IL27RA: variants seen among roughly 807,000 people sequenced by gnomAD.
The protein encoded by IL27RA is interleukin 27 receptor subunit alpha, also known as interleukin-27 receptor subunit alpha.
In IL27RA, 61 loss-of-function variants were observed where a neutral mutation model predicts 80.8. The observed-to-expected ratio is 0.76, with a 90% CI of 0.61 to 0.93. The LOEUF (loss-of-function observed/expected upper bound fraction) is 0.93. Among genes scored for constraint, IL27RA ranks in the 40% least tolerant of loss-of-function variants. The pLI is 0.00. For missense variants in IL27RA, 735 were observed against 808.1 expected (o/e 0.91, Z 1.10); for synonymous variants, 316 against 332.5 (o/e 0.95, Z 0.54).
chr19:14,049,058 G>A lies in IL27RA; in HGVS notation c.1219G>A (p.Val407Ile), dbSNP rs575214739. The change falls in exon 9 of 14, where the codon GTC (valine) becomes ATC (isoleucine). Residue 407 changes from valine (V) to isoleucine (I), a missense_variant. Transcript: ENST00000263379. ...TTCAGGCTTGGCCTCTGCATCCTCC[G>A]TCTGGGGGTTCAGGGAGGAATTAGG... Reference protein sequence around the residue: ...SASGLASASSVWGFREELAPL... With the variant: ...SASGLASASSIWGFREELAPL... 25 of 1,613,700 alleles carry A rather than the reference G, an allele frequency of 1.5e-5. No individual in the cohort carries two copies. Among genetic ancestry groups the A allele is most frequent in the East Asian group, 4.5e-5 (2 of 44,884 alleles).
Position 14,046,441 on chromosome 19 carries a change from G to T in IL27RA, c.964G>T (p.Ala322Ser). 6.2e-7 allele frequency: 1 copy of T among 1,614,098 alleles called. No homozygotes were observed. Among genetic ancestry groups the T allele is most frequent in the Non-Finnish European group, 8.5e-7 (1 of 1,180,018 alleles). Residue 322 changes from alanine to serine, a missense_variant, in exon 8 of 14, where the codon GCC becomes TCC. Physicochemically the swap from Ala to Ser is moderately conservative, Grantham distance 99. Coordinates refer to ENST00000263379, the MANE Select transcript of IL27RA (RefSeq NM_004843.4). ...TCTCCACCCTCCAGATTCAGCCTCTGCCCCCCGTAGCGTGGCAGTCAGCAG... is the reference window on the plus strand; with the variant it reads ...TCTCCACCCTCCAGATTCAGCCTCTTCCCCCCGTAGCGTGGCAGTCAGCAG... Reference protein sequence around the residue: ...LSLVCLDSASAPRSVAVSSIA... With the variant: ...LSLVCLDSASSPRSVAVSSIA...
At chr19:14,033,398 C>T (rs987669012) in intron 2 of IL27RA, among the ~76,000 whole-genome samples, 1 of 149,830 alleles carries the variant, frequency 6.7e-6, no homozygotes, top group Non-Finnish European at 1.5e-5. Flanking sequence ...CGTGCCTGGC[C>T]GAGAGCCCGT....
Position 14,031,969 on chromosome 19 carries a change from C to T in IL27RA, c.97C>T (p.Gln33Ter). Residue 33 changes from glutamine to a stop codon, truncating the protein, a stop_gained, in exon 1 of 14, where the codon CAG (glutamine) becomes TAG (stop). Transcript: ENST00000263379. LOFTEE classifies it high-confidence loss of function. ...GGTGCTTTTCCAGCGGACGCGTCCC[C>T]AGGGTGAGTGCTGGAGGGAGCTCGT... is the stretch of plus-strand genomic sequence containing the variant. ...LWVLFQRTRP[Q>*]GSAGPLQCYG... 6.2e-7 allele frequency: 1 copy of T among 1,608,904 alleles called. No homozygotes were observed. Among genetic ancestry groups the T allele is most frequent in the South Asian group, 1.1e-5 (1 of 90,346 alleles).
intron 10 of IL27RA, among the ~76,000 whole-genome samples, 169 bp from the exon 11 acceptor site, chr19:14,050,589 C>G (rs1976146436): frequency 6.6e-6 from 1 of 151,024 alleles, no homozygotes; most frequent in Non-Finnish European, 1.5e-5. Context: ...AGAGCGGGGT[C>G]AAGGAAAGCC....
chr19:14,042,478 C>T lies in IL27RA; in HGVS notation c.560C>T (p.Pro187Leu), dbSNP rs748741972. The T allele has an allele frequency of 1.6e-4, 263 of 1,614,042 alleles. 3 individuals carry two copies. In the South Asian group the frequency reaches 2.8e-3, roughly 17 times the overall value. Residue 187 changes from proline to leucine, a missense_variant, in exon 5 of 14, where the codon CCC becomes CTC. By Grantham distance (98) the Pro-to-Leu change is moderately conservative. Coordinates refer to ENST00000263379, the MANE Select transcript of IL27RA (RefSeq NM_004843.4). The stretch of plus-strand genomic sequence containing the variant: ...CTGGAACCGGAGCTGAAGACCATAC[C>T]CCTGACCCCTGTTGAGATCCAAGAT... ...TLLEPELKTIPLTPVEIQDLE... is the reference protein window; with the variant it reads ...TLLEPELKTILLTPVEIQDLE...
intron 4 of IL27RA, among the ~76,000 whole-genome samples, chr19:14,041,206 T>C (rs1975985207): frequency 7.1e-6 from 1 of 141,482 alleles, no homozygotes; most frequent in South Asian, 2.2e-4. Flanking sequence ...CCCGGCCCCC[T>C]TTTTTTTTTG....
intron 8 of IL27RA, among the ~76,000 whole-genome samples, chr19:14,047,737 T>A (rs1225624920): frequency 6.9e-6 from 1 of 145,036 alleles, no homozygotes; most frequent in African/African-American, 2.6e-5. Flanking sequence ...CACTGCAAGC[T>A]CCACCTCCTG....
intron 2 of IL27RA, among the ~76,000 whole-genome samples, chr19:14,035,655 A>G (rs1164474351): frequency 3.9e-5 from 6 of 152,014 alleles, no homozygotes; most frequent in Non-Finnish European, 5.9e-5. Flanking sequence ...TGGGCCTCCC[A>G]AAGTGCTGGG....
chr19:14,039,159 C>T (rs1244522208), intron 2 of IL27RA, among the ~76,000 whole-genome samples: 3 of 151,114 alleles, frequency 2.0e-5, no homozygotes, highest in South Asian at 4.2e-4. Flanking sequence ...TGGTGGCACA[C>T]GCCTATAATT....
intron 2 of IL27RA, among the ~76,000 whole-genome samples, chr19:14,036,154 A>G (rs922676519): frequency 6.6e-6 from 1 of 151,888 alleles, no homozygotes; most frequent in Non-Finnish European, 1.5e-5. Context: ...TTTTAAAAGT[A>G]AATAAATAAA....
At chr19:14,048,928 G>A in intron 8 of IL27RA, 53 bp from the exon 9 acceptor site, 1 of 1,479,534 alleles carries the variant, frequency 6.8e-7, no homozygotes, top group Non-Finnish European at 9.4e-7. Flanking sequence ...CCTAGGAAAT[G>A]AGCATGGGAA....
chr19:14,051,525 G>A lies in IL27RA; in HGVS notation c.1529-82G>A, dbSNP rs1976163901. 3.9e-6 allele frequency: 3 copies of A among 760,960 alleles called. No individual in the cohort carries two copies. In the South Asian group the frequency reaches 1.1e-4, roughly 28 times the overall value. The allele number at this position is 760,960 out of a possible 1,614,324, so 47.1% of individuals were successfully genotyped here. A position where few individuals can be genotyped will look rare whatever the true frequency, so the allele number is the denominator to read the frequency against. ...CCACTGCACTCCAGCCTGGGTGACA[G>A]GGCAAGACTCTGTCTCAAAAATAAA... On this transcript the variant is annotated intron_variant, in intron 11 of 13. Transcript: ENST00000263379.
intron 4 of IL27RA, among the ~76,000 whole-genome samples, chr19:14,041,340 G>A (rs1377062965): frequency 6.6e-6 from 1 of 151,950 alleles, no homozygotes; most frequent in Non-Finnish European, 1.5e-5. Context: ...TGGGATTACA[G>A]GCATGTGCCA....
intron 12 of IL27RA, 34 bp from the exon 13 acceptor site, chr19:14,051,846 G>A (rs1385066497): frequency 6.5e-7 from 1 of 1,531,654 alleles, no homozygotes; most frequent in African/African-American, 1.4e-5. Flanking sequence ...CTGGCCATCT[G>A]GATCTGCTGC....
Position 14,052,210 on chromosome 19 carries a change from T to G in IL27RA, c.1831T>G (p.Ser611Ala), listed in dbSNP as rs1976183941. Residue 611 changes from serine to alanine, a missense_variant, in exon 14 of 14, where the codon TCT becomes GCT. Coordinates refer to ENST00000263379, the MANE Select transcript of IL27RA (RefSeq NM_004843.4). Reference protein sequence around the residue: ...QPAQATAPLDSGYEKHFLPTP... With the variant: ...QPAQATAPLDAGYEKHFLPTP... ...CGCCCAGGCCACCGCCCCGCTTGAC[T>G]CTGGGTATGAGAAGCACTTCCTGCC... 2 of 1,603,306 alleles carry G rather than the reference T, an allele frequency of 1.2e-6. No homozygotes were observed. The highest frequency in any genetic ancestry group is 2.7e-5 in the African/African-American group (2 of 74,706).
Position 14,052,175 on chromosome 19 carries a change from C to T in IL27RA, c.1796C>T (p.Ser599Phe). ...EEMEPPPVME[S>F]SQPAQATAPL... ...ATGGAGCCCCCGCCGGTTATGGAGT[C>T]CTCCCAGCCCGCCCAGGCCACCGCC... Residue 599 changes from serine (S) to phenylalanine (F), a missense_variant, in exon 14 of 14, where the codon TCC (serine) becomes TTC (phenylalanine). Coordinates refer to ENST00000263379, the MANE Select transcript of IL27RA (RefSeq NM_004843.4). The T allele has an allele frequency of 3.7e-6, 6 of 1,612,982 alleles. No individual in the cohort carries two copies. Among genetic ancestry groups the T allele is most frequent in the Non-Finnish European group, 4.2e-6 (5 of 1,179,572 alleles).
intron 2 of IL27RA, among the ~76,000 whole-genome samples, chr19:14,035,422 T>G (rs1200845205): frequency 6.6e-6 from 1 of 150,994 alleles, no homozygotes; most frequent in East Asian, 2.0e-4. Context: ...TGAGATGGAG[T>G]TTCGCTCTTG....
chr19:14,046,130 C>T, intron 6 of IL27RA, 24 bp from the exon 7 acceptor site: 1 of 1,602,690 alleles, frequency 6.2e-7, no homozygotes, highest in South Asian at 1.1e-5. Flanking sequence ...GAGACATTAA[C>T]CCCTTTTTCC....
At chr19:14,036,760 T>C (rs1487514413) in intron 2 of IL27RA, among the ~76,000 whole-genome samples, 2 of 152,176 alleles carry the variant, frequency 1.3e-5, no homozygotes, top group African/African-American at 4.8e-5. Flanking sequence ...AGTGCTGGGA[T>C]TACAGGCGTG....
Sources: allele counts gnomAD v4.1 joint callset (sites outside exome capture counted in the v4.1 genomes callset), GRCh38; gene constraint gnomAD v4.1.1; transcripts MANE v1.5; gene names NCBI Gene and HGNC (gene_info 2026-07-23, HGNC 2026-07-21).